The following RCOR1 variants were observed in gnomAD, a reference collection of about 807,000 sequenced individuals.
The protein encoded by RCOR1 is REST corepressor.
A neutral mutation model predicts 64.0 loss-of-function variants in RCOR1; 12 were observed. The ratio of observed to expected loss-of-function variants is 0.19; its 90% confidence interval spans 0.12 to 0.30. The LOEUF (loss-of-function observed/expected upper bound fraction) is 0.30. RCOR1 is among the 10% of genes least tolerant of loss of function. The probability of loss-of-function intolerance (pLI) is 1.00; values close to 1 mark genes in which losing one functional copy is unlikely to be tolerated. For synonymous variants in RCOR1, 279 were observed against 227.2 expected (o/e 1.23, Z -2.05); for missense variants, 502 against 621.2 (o/e 0.81, Z 2.04).
intron 2 of RCOR1, among the ~76,000 whole-genome samples, chr14:102,675,442 C>T (rs968920167): frequency 1.3e-5 from 2 of 152,126 alleles, no homozygotes; most frequent in African/African-American, 4.8e-5. Context: ...TAACAATATG[C>T]CAACATCGCC....
intron 2 of RCOR1, among the ~76,000 whole-genome samples, chr14:102,674,689 C>T (rs549745501): frequency 6.1e-4 from 93 of 152,252 alleles, no homozygotes; most frequent in African/African-American, 2.0e-3. Context: ...TTCTTACCCC[C>T]TTGATGGCAA....
chr14:102,686,634 G>A (rs1022268428), intron 3 of RCOR1, among the ~76,000 whole-genome samples: 13 of 152,164 alleles, frequency 8.5e-5, no homozygotes, highest in Non-Finnish European at 1.5e-4. Flanking sequence ...ACTGTTGATC[G>A]TTTTACTGTT....
At chr14:102,665,743 T>C (rs1459967414) in intron 2 of RCOR1, among the ~76,000 whole-genome samples, 1 of 152,206 alleles carries the variant, frequency 6.6e-6, no homozygotes, top group Non-Finnish European at 1.5e-5. Context: ...TAAGTGCAAG[T>C]CACTTAACTC....
chr14:102,599,179 A>G (rs1315294518), intron 2 of RCOR1, among the ~76,000 whole-genome samples: 3 of 151,242 alleles, frequency 2.0e-5, no homozygotes, highest in Non-Finnish European at 4.4e-5. Flanking sequence ...TCACCAGTAT[A>G]GTGGTGTGAT....
chr14:102,721,262 A>G, intron 9 of RCOR1, 58 bp from the exon 10 acceptor site: 3 of 1,463,090 alleles, frequency 2.1e-6, no homozygotes, highest in Non-Finnish European at 2.9e-6. Context: ...CGTTAAGCTC[A>G]TAAGGACATA....
intron 4 of RCOR1, 126 bp from the exon 5 acceptor site, chr14:102,707,225 A>G: frequency 1.4e-6 from 1 of 704,836 alleles, no homozygotes; most frequent in Non-Finnish European, 2.3e-6. Flanking sequence ...AGTGTCTGCC[A>G]CTTAGCGCTG....
intron 2 of RCOR1, 80 bp from the exon 3 acceptor site, chr14:102,681,815 G>T (rs1895309582): frequency 7.0e-6 from 7 of 1,001,128 alleles, no homozygotes; most frequent in Non-Finnish European, 1.1e-5. Flanking sequence ...GGTGGGTGAT[G>T]TCATTAAAAG....
intron 2 of RCOR1, among the ~76,000 whole-genome samples, chr14:102,596,293 G>A (rs1289778144): frequency 1.3e-5 from 2 of 152,040 alleles, no homozygotes; most frequent in African/African-American, 2.4e-5. Flanking sequence ...AGTAGAGACA[G>A]GGTTTCTCCA....
At chr14:102,675,047 CAAAAAAAAA>C (rs761294133) in intron 2 of RCOR1, among the ~76,000 whole-genome samples, 11 of 63,416 alleles carry the variant, frequency 1.7e-4, no homozygotes, top group African/African-American at 4.3e-4. Context: ...GACTCCACCT[CAAAAAAAAA>C]AAAAAAAAAA....
chr14:102,664,195 T>C (rs1419207675), intron 2 of RCOR1, among the ~76,000 whole-genome samples: 1 of 152,182 alleles, frequency 6.6e-6, no homozygotes, highest in Non-Finnish European at 1.5e-5. Flanking sequence ...AACCTCCGCC[T>C]CCTGGGTTCA....
rs1255598673 is a variant in RCOR1 at position 102,706,131 on chromosome 14, A to AC, written c.499-1220_499-1219insC. ...CCCTGTCTCAAAAAAAAAAAAAAAA[A>AC]AAAAAAAAAAACCTAAAAAAACAGT... is the stretch of plus-strand genomic sequence containing the variant. On this transcript the variant is annotated intron_variant, in intron 4 of 11. Coordinates refer to ENST00000262241, the MANE Select transcript of RCOR1 (RefSeq NM_015156.4). Among the ~76,000 whole-genome samples, 590 of 149,054 alleles carry AC rather than the reference A, an allele frequency of 4.0e-3. 17 individuals are homozygous for AC. Among genetic ancestry groups the AC allele is most frequent in the African/African-American group, 0.014 (562 of 40,106 alleles).
At position 102,643,633 on chromosome 14, in the gene RCOR1, A is replaced by G. The variant is rs139902103; in HGVS notation, c.362-38262A>G. ...ATGGGCTGACTGAAAGTCTCCAGGAATTCTTCCTGTCTCTAGATTATGCTT... is the reference window on the plus strand; with the variant it reads ...ATGGGCTGACTGAAAGTCTCCAGGAGTTCTTCCTGTCTCTAGATTATGCTT... On this transcript the variant is annotated intron_variant, in intron 2 of 11. Transcript: ENST00000262241. Among the ~76,000 whole-genome samples the G allele has an allele frequency of 5.3e-5, 8 of 152,274 alleles. No individual in the cohort carries two copies. In the East Asian group the frequency reaches 1.5e-3, roughly 29 times the overall value.
rs550930550 is a variant in RCOR1 at position 102,617,218 on chromosome 14, G to A, written c.361+23893G>A. The stretch of plus-strand genomic sequence containing the variant: ...TTTTTTACCTTAGACACATTCGTTC[G>A]TTGACTGTTTAATTGTAAAGAAAAA... On this transcript the variant is annotated intron_variant, in intron 2 of 11. Transcript: ENST00000262241. 7.9e-5 allele frequency among the ~76,000 whole-genome samples: 12 copies of A among 152,254 alleles called. No homozygotes were observed. The South Asian group carries it at 1.4e-3, about 18-fold the overall frequency.
intron 3 of RCOR1, among the ~76,000 whole-genome samples, chr14:102,685,944 G>A (rs1169087392): frequency 1.3e-5 from 2 of 152,002 alleles, no homozygotes; most frequent in Admixed American, 6.6e-5. Flanking sequence ...ACGGGGAGGC[G>A]GGGGCTAGAA....
chr14:102,706,671 C>T (rs990614866), intron 4 of RCOR1, among the ~76,000 whole-genome samples: 1 of 152,004 alleles, frequency 6.6e-6, no homozygotes, highest in African/African-American at 2.4e-5. Flanking sequence ...ACAGAAAGTA[C>T]AAGAAATTAG....
At chr14:102,688,885 C>T (rs1207195960) in intron 3 of RCOR1, among the ~76,000 whole-genome samples, 2 of 152,120 alleles carry the variant, frequency 1.3e-5, no homozygotes, top group African/African-American at 4.8e-5. Flanking sequence ...CTGTTTATAC[C>T]ATTCCAGGCT....
intron 2 of RCOR1, among the ~76,000 whole-genome samples, chr14:102,634,764 T>C (rs910628731): frequency 2.2e-4 from 33 of 151,668 alleles, no homozygotes; most frequent in African/African-American, 7.5e-4. Context: ...TGGCGCGATC[T>C]CGACTCACGA....
rs1896183425 is a variant in RCOR1, at chr14:102,722,426, A to C, written c.1419+10A>C. Reference sequence around the variant, plus strand: ...CGAAGAGGAAGACGAGGTAAATCTGAAACAAAACAGTCACTTCTCTTGTCA... The same window carrying C: ...CGAAGAGGAAGACGAGGTAAATCTGCAACAAAACAGTCACTTCTCTTGTCA... On this transcript the variant is annotated intron_variant, in intron 11 of 11. Coordinates refer to ENST00000262241, the MANE Select transcript of RCOR1 (RefSeq NM_015156.4). The C allele has an allele frequency of 2.5e-6, 4 of 1,598,498 alleles. No homozygotes were observed. The South Asian group carries it at 4.4e-5, about 18-fold the overall frequency.
At chr14:102,660,828 C>T (rs1441949943) in intron 2 of RCOR1, among the ~76,000 whole-genome samples, 4 of 152,092 alleles carry the variant, frequency 2.6e-5, no homozygotes, top group African/African-American at 7.2e-5. Flanking sequence ...AATTTTCATC[C>T]TTTCATCTAA....
Sources: allele counts gnomAD v4.1 joint callset (sites outside exome capture counted in the v4.1 genomes callset), GRCh38; gene constraint gnomAD v4.1.1; transcripts MANE v1.5; gene names NCBI Gene and HGNC (gene_info 2026-07-23, HGNC 2026-07-21).